Variants in KCNH7 observed in about 807,000 individuals in gnomAD.
The protein encoded by KCNH7 is potassium voltage-gated channel subfamily H member 7.
Under a neutral mutation model 120.8 loss-of-function variants are expected in KCNH7, and 49 were observed. The observed-to-expected ratio is 0.41, with a 90% confidence interval of 0.32 to 0.51. KCNH7 has a LOEUF of 0.51. Ranked by LOEUF, KCNH7 falls within the 20% of genes least tolerant of loss-of-function variation. KCNH7 has a pLI of 0.38. For missense variants in KCNH7, 1,097 were observed against 1,446.6 expected (o/e 0.76, Z 3.92); for synonymous variants, 547 against 516.1 (o/e 1.06, Z -0.81).
chr2:162,592,135 T>C (rs1343336913), intron 2 of KCNH7, among the ~76,000 whole-genome samples: 1 of 152,028 alleles, frequency 6.6e-6, no homozygotes, highest in African/African-American at 2.4e-5. Context: ...GTGTACTAGG[T>C]TGGTGGGGTG....
chr2:162,494,030 T>A (rs1008960298), intron 6 of KCNH7, among the ~76,000 whole-genome samples: 2 of 152,168 alleles, frequency 1.3e-5, no homozygotes, highest in Non-Finnish European at 2.9e-5. Flanking sequence ...ATCTGTTATT[T>A]AACAAAGATT....
chr2:162,703,838 T>C (rs1686601050), intron 2 of KCNH7, among the ~76,000 whole-genome samples: 1 of 152,156 alleles, frequency 6.6e-6, no homozygotes, highest in Non-Finnish European at 1.5e-5. Context: ...CTAGATCTTC[T>C]AGCACTTCTG....
intron 2 of KCNH7, among the ~76,000 whole-genome samples, chr2:162,778,940 C>T (rs946106664): frequency 7.6e-6 from 1 of 131,766 alleles, no homozygotes; most frequent in African/African-American, 3.4e-5. Context: ...TGGAGAGGAA[C>T]AAATTCTTTT....
intron 2 of KCNH7, among the ~76,000 whole-genome samples, chr2:162,656,323 A>C (rs1684759740): frequency 6.6e-6 from 1 of 152,204 alleles, no homozygotes; most frequent in Non-Finnish European, 1.5e-5. Flanking sequence ...AAGTCTGTAA[A>C]GACCATAAAA....
chr2:162,627,365 G>A (rs950202908), intron 2 of KCNH7, among the ~76,000 whole-genome samples: 1 of 152,098 alleles, frequency 6.6e-6, no homozygotes, highest in Admixed American at 6.6e-5. Flanking sequence ...CAATGCCATA[G>A]TTAAATATAT....
chr2:162,381,365 A>G (rs1289830912), intron 13 of KCNH7, among the ~76,000 whole-genome samples: 1 of 152,112 alleles, frequency 6.6e-6, no homozygotes, highest in African/African-American at 2.4e-5. Flanking sequence ...ATAGGAAACA[A>G]CACCATTGGA....
chr2:162,661,036 A>T (rs1684940722), intron 2 of KCNH7, among the ~76,000 whole-genome samples: 1 of 152,180 alleles, frequency 6.6e-6, no homozygotes, highest in African/African-American at 2.4e-5. Context: ...TATTTGATTT[A>T]TTATTATTTT....
chr2:162,381,513 A>T (rs144552145), intron 13 of KCNH7, among the ~76,000 whole-genome samples: 1 of 152,124 alleles, frequency 6.6e-6, no homozygotes, highest in East Asian at 1.9e-4. Flanking sequence ...AACATTGAAC[A>T]TAAAGAAATT....
chr2:162,789,818 A>T (rs991858799), intron 2 of KCNH7, among the ~76,000 whole-genome samples: 1 of 152,030 alleles, frequency 6.6e-6, no homozygotes, highest in Non-Finnish European at 1.5e-5. Flanking sequence ...GAAACACAAC[A>T]TATCAAATCT....
At chr2:162,701,140 C>T (rs1686483021) in intron 2 of KCNH7, among the ~76,000 whole-genome samples, 1 of 151,914 alleles carries the variant, frequency 6.6e-6, no homozygotes, top group Non-Finnish European at 1.5e-5. Flanking sequence ...TATAATGATT[C>T]CAAAGAAGTC....
At chr2:162,455,338 A>G (rs1469265279) in intron 6 of KCNH7, among the ~76,000 whole-genome samples, 1 of 152,148 alleles carries the variant, frequency 6.6e-6, no homozygotes, top group East Asian at 1.9e-4. Context: ...TTGGTTTGCC[A>G]GTATTTTATA....
At chr2:162,432,570 G>A (rs1285399638) in intron 8 of KCNH7, among the ~76,000 whole-genome samples, 1 of 151,996 alleles carries the variant, frequency 6.6e-6, no homozygotes, top group Admixed American at 6.6e-5. Flanking sequence ...TAAGGATGAT[G>A]TTCTTTTTGA....
In KCNH7 at chr2:162,729,275, C is replaced by T. The variant is rs547649515; in HGVS notation, c.307+107262G>A. On this transcript the variant is annotated intron_variant, in intron 2 of 15. Coordinates refer to ENST00000332142, the MANE Select transcript of KCNH7 (RefSeq NM_033272.4). ...CCACCTCCCGGGTTCCCGCCATTCT[C>T]CTGCCTCAGCCTCCTGAGTAGCTGG... Among the ~76,000 whole-genome samples, 281 of 151,438 alleles carry T rather than the reference C, an allele frequency of 1.9e-3. 1 individual carries two copies. The highest frequency in any genetic ancestry group is 7.4e-4 in the Non-Finnish European group (50 of 67,944).
intron 2 of KCNH7, among the ~76,000 whole-genome samples, chr2:162,697,304 G>C (rs1486265537): frequency 6.6e-6 from 1 of 152,144 alleles, no homozygotes; most frequent in Non-Finnish European, 1.5e-5. Flanking sequence ...TGTACCAAAA[G>C]TGTGCAATCA....
chr2:162,465,301 T>C (rs1689271762), intron 6 of KCNH7, among the ~76,000 whole-genome samples: 1 of 152,180 alleles, frequency 6.6e-6, no homozygotes, highest in South Asian at 2.1e-4. Context: ...GTTACTGCAC[T>C]ATTTATGCCA....
In KCNH7 at chr2:162,371,793, A is replaced by G. The variant is rs756827076; in HGVS notation, c.*36T>C. 3.8e-6 allele frequency: 6 copies of G among 1,573,048 alleles called. No homozygotes were observed. The highest frequency in any genetic ancestry group is 1.8e-5 in the Admixed American group (1 of 56,780). On this transcript the variant is annotated 3_prime_UTR_variant, in exon 16 of 16. Transcript: ENST00000332142. Reference sequence around the variant, plus strand: ...AAAAAGGAAAACAGCCATTAAAAGCACTTACATTGTATGTGGAGTAAATAG... The same window carrying G: ...AAAAAGGAAAACAGCCATTAAAAGCGCTTACATTGTATGTGGAGTAAATAG...
chr2:162,627,384 T>G (rs1158155318), intron 2 of KCNH7, among the ~76,000 whole-genome samples: 1 of 152,158 alleles, frequency 6.6e-6, no homozygotes, highest in Non-Finnish European at 1.5e-5. Flanking sequence ...ATGAAAAAAT[T>G]GAATCCATGG....
intron 2 of KCNH7, among the ~76,000 whole-genome samples, chr2:162,720,740 T>C (rs1276839308): frequency 6.6e-6 from 1 of 152,140 alleles, no homozygotes; most frequent in African/African-American, 2.4e-5. Flanking sequence ...TTTTCACTTA[T>C]GATAATGAAT....
chr2:162,473,085 AG>A (rs950909347), intron 6 of KCNH7, among the ~76,000 whole-genome samples: 9 of 151,852 alleles, frequency 5.9e-5, no homozygotes, highest in African/African-American at 2.2e-4. Flanking sequence ...GTAGGGGGAG[AG>A]GGGAGGGATA....
Sources: gnomAD v4.1 joint callset for allele counts (sites outside exome capture counted in the v4.1 genomes callset) on GRCh38, gnomAD v4.1.1 for gene constraint, MANE v1.5 for transcripts, NCBI Gene and HGNC (gene_info 2026-07-23, HGNC 2026-07-21) for gene names.